The following BCL2L14 variants were observed in gnomAD, a reference collection of about 807,000 sequenced individuals.
The protein encoded by BCL2L14 is BCL2 like 14.
BCL2L14 carries 27 observed loss-of-function variants against 35.3 expected under a neutral mutation model. The observed-to-expected ratio is 0.76, with a 90% CI of 0.56 to 1.05. The LOEUF is 1.05. Among genes scored for constraint, BCL2L14 ranks in the 50% least tolerant of loss-of-function variants. The pLI, the probability that BCL2L14 is intolerant of heterozygous loss-of-function variation, is 0.00. For missense variants in BCL2L14, 377 were observed against 382.6 expected, an observed-to-expected ratio of 0.99 and a Z score of 0.12; for synonymous variants, 139 against 145.9, an observed-to-expected ratio of 0.95 and a Z score of 0.34.
intron 2 of BCL2L14, among the ~76,000 whole-genome samples, chr12:12,053,308 A>C (rs1169847268): frequency 6.6e-6 from 1 of 152,248 alleles, no homozygotes; most frequent in Non-Finnish European, 1.5e-5. Flanking sequence ...GAAGGCAAGT[A>C]GTCTCACTCC....
intron 1 of BCL2L14, among the ~76,000 whole-genome samples, chr12:12,051,386 C>G (rs1948356013): frequency 6.6e-6 from 1 of 152,192 alleles, no homozygotes; most frequent in African/African-American, 2.4e-5. Context: ...GATGTTGAAA[C>G]TCAGCTAATA....
chr12:12,092,579 C>G (rs1012921628), intron 4 of BCL2L14, among the ~76,000 whole-genome samples: 1 of 152,178 alleles, frequency 6.6e-6, no homozygotes, highest in Non-Finnish European at 1.5e-5. Context: ...GAGGGACAGG[C>G]AGGGGAGGGG....
intron 4 of BCL2L14, among the ~76,000 whole-genome samples, chr12:12,091,723 A>C (rs1229547646): frequency 6.6e-6 from 1 of 152,200 alleles, no homozygotes; most frequent in African/African-American, 2.4e-5. Context: ...AACAGCGAGA[A>C]AACCAGGGAT....
intron 5 of BCL2L14, chr12:12,096,069 C>A: frequency 1.0e-6 from 1 of 985,386 alleles, no homozygotes. Context: ...GAGCCCTCAT[C>A]TGCCCCAAAG....
Position 12,099,128 on chromosome 12 carries a change from G to A in BCL2L14, c.*140G>A, listed in dbSNP as rs369077886. ...CAAAACCATTATTCCTGTGACTGGA[G>A]AGGCATCAGGAGAGGTCTCGTTCGT... On this transcript the variant is annotated 3_prime_UTR_variant, in exon 6 of 6. Transcript: ENST00000308721. The A allele has an allele frequency of 4.0e-5, 26 of 646,998 alleles. No homozygotes were observed. In the East Asian group the frequency reaches 6.8e-4, roughly 17 times the overall value. The allele number at this position is 646,998 out of a possible 1,614,324, so 40.1% of individuals were successfully genotyped here. A position where few individuals can be genotyped will look rare whatever the true frequency, so the allele number is the denominator to read the frequency against.
intron 2 of BCL2L14, among the ~76,000 whole-genome samples, chr12:12,060,222 T>C (rs1439159193): frequency 6.6e-6 from 1 of 151,388 alleles, no homozygotes; most frequent in Non-Finnish European, 1.5e-5. Context: ...TGCCCAGCAA[T>C]TTACTCTTGA....
chr12:12,094,817 G>T lies in BCL2L14; in HGVS notation c.832G>T (p.Val278Phe). 1.2e-6 allele frequency: 2 copies of T among 1,614,180 alleles called. No individual in the cohort carries two copies. Among genetic ancestry groups the T allele is most frequent in the Non-Finnish European group, 1.7e-6 (2 of 1,180,036 alleles). ...CTTTAAGGCTGCCCTTGTAATAGAC[G>T]TCACGGCCAAGCTCACAGCTATTGA... ...QGFKAALVID[V>F]TAKLTAIDNH... The change falls in exon 5 of 6, where the codon GTC becomes TTC. Residue 278 changes from valine to phenylalanine, a missense_variant. Val to Phe is a conservative substitution (Grantham distance 50). Transcript: ENST00000308721.
intron 2 of BCL2L14, among the ~76,000 whole-genome samples, chr12:12,056,738 C>G (rs1256503466): frequency 6.6e-6 from 1 of 152,164 alleles, no homozygotes; most frequent in Non-Finnish European, 1.5e-5. Flanking sequence ...GAGGCTGAGG[C>G]AGGAAAATCG....
In BCL2L14 at chr12:12,079,697, C is replaced by G; in HGVS notation, c.392C>G (p.Ser131Cys). Reference sequence around the variant, plus strand: ...CAAGATTCGCACAGCCAGCAGTGGTCCAGGTGTCTTTCTAACGTGGAGCAG... The same window carrying G: ...CAAGATTCGCACAGCCAGCAGTGGTGCAGGTGTCTTTCTAACGTGGAGCAG... The part of the protein sequence containing the change: ...EYQDSHSQQW[S>C]RCLSNVEQCL... Residue 131 changes from serine (S) to cysteine (C), a missense_variant, in exon 2 of 6, where the codon TCC (serine) becomes TGC (cysteine). Transcript: ENST00000308721. The G allele has an allele frequency of 6.2e-7, 1 of 1,614,140 alleles. No homozygotes were observed. Among genetic ancestry groups the G allele is most frequent in the Non-Finnish European group, 8.5e-7 (1 of 1,180,032 alleles).
intron 3 of BCL2L14, among the ~76,000 whole-genome samples, chr12:12,090,395 C>G (rs1393400533): frequency 1.3e-5 from 2 of 152,022 alleles, no homozygotes; most frequent in Admixed American, 6.6e-5. Flanking sequence ...TTTGGGAGGC[C>G]GAAGTGGGTG....
At chr12:12,096,832 A>T (rs1037195591) in intron 5 of BCL2L14, among the ~76,000 whole-genome samples, 3 of 152,256 alleles carry the variant, frequency 2.0e-5, no homozygotes, top group African/African-American at 7.2e-5. Flanking sequence ...AGTTCCCAAA[A>T]ATGTTAACTA....
intron 1 of BCL2L14, among the ~76,000 whole-genome samples, chr12:12,077,363 G>A (rs1342500051): frequency 2.6e-5 from 4 of 152,076 alleles, no homozygotes; most frequent in East Asian, 3.9e-4. Flanking sequence ...GCAACATAGC[G>A]AGACCTTGTC....
At chr12:12,088,053 G>T (rs1163951872) in intron 3 of BCL2L14, among the ~76,000 whole-genome samples, 3 of 152,196 alleles carry the variant, frequency 2.0e-5, no homozygotes, top group African/African-American at 7.2e-5. Flanking sequence ...AGTGGAGGTT[G>T]TGATGACGCA....
chr12:12,098,069 G>T (rs1261088197), intron 5 of BCL2L14, among the ~76,000 whole-genome samples: 1 of 152,094 alleles, frequency 6.6e-6, no homozygotes, highest in Non-Finnish European at 1.5e-5. Flanking sequence ...AAATAAAGGA[G>T]GATGATAAAG....
chr12:12,076,799 G>T (rs570288748), intron 1 of BCL2L14, among the ~76,000 whole-genome samples: 1 of 152,330 alleles, frequency 6.6e-6, no homozygotes, highest in Admixed American at 6.5e-5. Flanking sequence ...AGGAGACAGT[G>T]ATGGAAAAAG....
At chr12:12,070,934 T>C (rs2287153), upstream of BCL2L14, 35,385 of 152,072 alleles carry the variant, frequency 0.23, 4,598 homozygotes, top group South Asian at 0.35. Context: ...TCTCCTTCTT[T>C]AAGCCTCTTT....
chr12:12,097,700 T>C (rs1630467), intron 5 of BCL2L14, among the ~76,000 whole-genome samples: 39,267 of 152,020 alleles, frequency 0.26, 5,220 homozygotes, highest in East Asian at 0.37. Context: ...AATCAATCTT[T>C]ATAAAACTAG....
At chr12:12,054,118 C>A (rs1948396807) in intron 2 of BCL2L14, among the ~76,000 whole-genome samples, 2 of 152,288 alleles carry the variant, frequency 1.3e-5, no homozygotes, top group South Asian at 4.1e-4. Context: ...CTTATATAAT[C>A]ATTTAGTCTT....
intron 3 of BCL2L14, among the ~76,000 whole-genome samples, 158 bp downstream of exon 3, chr12:12,087,544 A>G (rs1328330737): frequency 6.6e-6 from 1 of 152,238 alleles, no homozygotes; most frequent in Admixed American, 6.5e-5. Context: ...AGCTTGAGAC[A>G]CCAGCCCAAG....
Sources: allele counts gnomAD v4.1 joint callset (sites outside exome capture counted in the v4.1 genomes callset), GRCh38; gene constraint gnomAD v4.1.1; transcripts MANE v1.5; gene names NCBI Gene and HGNC (gene_info 2026-07-23, HGNC 2026-07-21).